The following COL8A1 variants were observed in gnomAD, a reference collection of about 807,000 sequenced individuals.
COL8A1 encodes the protein collagen type VIII alpha 1 chain.
COL8A1 carries 21 observed loss-of-function variants against 42.7 expected under a neutral mutation model. The observed-to-expected ratio is 0.49, with a 90% confidence interval of 0.35 to 0.71. COL8A1 has a LOEUF of 0.71. Ranked by LOEUF, COL8A1 falls within the 30% of genes least tolerant of loss-of-function variation. The pLI, the probability that COL8A1 is intolerant of heterozygous loss-of-function variation, is 0.01. For synonymous variants in COL8A1, 367 were observed against 369.1 expected (o/e 0.99, Z 0.06); for missense variants, 788 against 962.4 (o/e 0.82, Z 2.40).
At chr3:99,731,118 G>A (rs1347727658) in intron 1 of COL8A1, among the ~76,000 whole-genome samples, 1 of 152,098 alleles carries the variant, frequency 6.6e-6, no homozygotes. Context: ...AGTAGTTGGG[G>A]AGAGAAGAAC....
intron 2 of COL8A1, among the ~76,000 whole-genome samples, chr3:99,781,458 T>C (rs1437206371): frequency 6.6e-6 from 1 of 152,246 alleles, no homozygotes; most frequent in Non-Finnish European, 1.5e-5. Flanking sequence ...CAGGGTTATA[T>C]GATTCAAAAT....
intron 1 of COL8A1, among the ~76,000 whole-genome samples, chr3:99,681,966 C>T (rs1277228757): frequency 2.0e-5 from 3 of 152,326 alleles, no homozygotes; most frequent in East Asian, 3.9e-4. Flanking sequence ...CCAGAGCCAG[C>T]TCTCTTCACC....
At chr3:99,743,027 G>A (rs1484823635) in intron 1 of COL8A1, among the ~76,000 whole-genome samples, 1 of 152,202 alleles carries the variant, frequency 6.6e-6, no homozygotes, top group Non-Finnish European at 1.5e-5. Context: ...CACATAGTAG[G>A]TGCTCAATAA....
At chr3:99,653,699 T>C (rs1215309572) in intron 1 of COL8A1, among the ~76,000 whole-genome samples, 1 of 150,962 alleles carries the variant, frequency 6.6e-6, no homozygotes, top group Non-Finnish European at 1.5e-5. Context: ...TTTGTGCTGC[T>C]GTGCTCTACA....
intron 1 of COL8A1, among the ~76,000 whole-genome samples, chr3:99,667,512 A>G (rs1420235138): frequency 6.6e-6 from 1 of 152,074 alleles, no homozygotes; most frequent in African/African-American, 2.4e-5. Context: ...TGTCGCTTAC[A>G]ATTAGGAGGA....
chr3:99,760,379 TACAA>T (rs1259616554), intron 2 of COL8A1, among the ~76,000 whole-genome samples: 3 of 151,598 alleles, frequency 2.0e-5, no homozygotes, highest in Non-Finnish European at 4.4e-5. Flanking sequence ...GAGGGAGGAG[TACAA>T]ACAGTGAGGT....
chr3:99,696,948 C>CTA (rs1939387103), intron 1 of COL8A1, among the ~76,000 whole-genome samples: 1 of 146,388 alleles, frequency 6.8e-6, no homozygotes, highest in Non-Finnish European at 1.5e-5. Context: ...AGTCCATTTG[C>CTA]TATAATCCCC....
intron 2 of COL8A1, among the ~76,000 whole-genome samples, chr3:99,745,615 AC>A (rs1291830377): frequency 1.3e-5 from 2 of 152,164 alleles, no homozygotes; most frequent in Non-Finnish European, 2.9e-5. Context: ...TTCCTTTCAG[AC>A]GACTGAAGTG....
At chr3:99,644,804 A>G (rs1227089519) in intron 1 of COL8A1, among the ~76,000 whole-genome samples, 2 of 152,196 alleles carry the variant, frequency 1.3e-5, no homozygotes, top group Admixed American at 1.3e-4. Context: ...CTCTAACTAA[A>G]TAGGCCTGGG....
At chr3:99,642,827 A>G (rs1261911754) in intron 1 of COL8A1, among the ~76,000 whole-genome samples, 1 of 152,206 alleles carries the variant, frequency 6.6e-6, no homozygotes, top group East Asian at 1.9e-4. Flanking sequence ...CACCCTATCA[A>G]ATGTAAAAGC....
chr3:99,644,429 C>T (rs745510273), intron 1 of COL8A1, among the ~76,000 whole-genome samples: 3 of 152,180 alleles, frequency 2.0e-5, no homozygotes, highest in Non-Finnish European at 4.4e-5. Context: ...CATAAAGTCA[C>T]TCCATCATAG....
chr3:99,714,812 G>A (rs912380099), intron 1 of COL8A1, among the ~76,000 whole-genome samples: 1 of 152,012 alleles, frequency 6.6e-6, no homozygotes, highest in Non-Finnish European at 1.5e-5. Context: ...TTCAGATGAC[G>A]AGTGCCATAA....
At chr3:99,764,034 G>A (rs1941413306) in intron 2 of COL8A1, among the ~76,000 whole-genome samples, 1 of 152,146 alleles carries the variant, frequency 6.6e-6, no homozygotes, top group Admixed American at 6.5e-5. Context: ...TTCGTTGGCT[G>A]ACCCAGGATT....
At chr3:99,659,351 T>G (rs574073548) in intron 1 of COL8A1, among the ~76,000 whole-genome samples, 2 of 152,332 alleles carry the variant, frequency 1.3e-5, no homozygotes, top group South Asian at 4.1e-4. Context: ...CTTCCCTGTT[T>G]GTGGCATGGG....
chr3:99,751,481 C>T (rs954069475), intron 2 of COL8A1, among the ~76,000 whole-genome samples: 1 of 152,138 alleles, frequency 6.6e-6, no homozygotes, highest in Admixed American at 6.6e-5. Context: ...ATTGCTTGAA[C>T]CAGGCAGGTG....
intron 2 of COL8A1, among the ~76,000 whole-genome samples, chr3:99,780,438 C>A (rs1461211526): frequency 2.6e-5 from 4 of 152,142 alleles, no homozygotes; most frequent in African/African-American, 4.8e-5. Context: ...TTCTACAACC[C>A]CCAAACCCCA....
intron 1 of COL8A1, among the ~76,000 whole-genome samples, chr3:99,721,989 C>T (rs995277464): frequency 6.6e-6 from 1 of 151,904 alleles, no homozygotes; most frequent in Non-Finnish European, 1.5e-5. Context: ...AAAATTGATA[C>T]TCAATAGATA....
intron 2 of COL8A1, among the ~76,000 whole-genome samples, chr3:99,757,241 T>C (rs1390233946): frequency 6.6e-6 from 1 of 152,220 alleles, no homozygotes; most frequent in Non-Finnish European, 1.5e-5. Context: ...TATATCAAAA[T>C]TCATTTTGTC....
At chr3:99,664,197 A>C (rs1477054428) in intron 1 of COL8A1, among the ~76,000 whole-genome samples, 1 of 152,208 alleles carries the variant, frequency 6.6e-6, no homozygotes, top group East Asian at 1.9e-4. Flanking sequence ...ACTTGAATGG[A>C]AGCTCTCAAG....
Sources: allele counts gnomAD v4.1 joint callset (sites outside exome capture counted in the v4.1 genomes callset), GRCh38; gene constraint gnomAD v4.1.1; transcripts MANE v1.5; gene names NCBI Gene and HGNC (gene_info 2026-07-23, HGNC 2026-07-21).